The following ADCY9 variants were observed in gnomAD, a reference collection of about 807,000 sequenced individuals.
ADCY9 encodes the protein adenylate cyclase 9, also known as adenylate cyclase type 9.
In ADCY9, 50 loss-of-function variants were observed where a neutral mutation model predicts 101.5. That is an observed-to-expected ratio of 0.49 (90% CI 0.39 to 0.62). The LOEUF (loss-of-function observed/expected upper bound fraction) is 0.62. ADCY9 is among the 20% of genes least tolerant of loss of function. The probability of loss-of-function intolerance (pLI) is 0.00; values close to 1 mark genes in which losing one functional copy is unlikely to be tolerated. For missense variants in ADCY9, 1,662 were observed against 1,800.4 expected, an observed-to-expected ratio of 0.92 and a Z score of 1.39; for synonymous variants, 905 against 769.3, an observed-to-expected ratio of 1.18 and a Z score of -2.92.
intron 2 of ADCY9, among the ~76,000 whole-genome samples, chr16:4,107,827 G>T (rs538355681): frequency 1.3e-5 from 2 of 152,258 alleles, no homozygotes; most frequent in South Asian, 4.1e-4. Flanking sequence ...TGTTTGCAGA[G>T]GCTAACGCAT....
In ADCY9 at chr16:4,113,999, CCTT is replaced by C; in HGVS notation, c.1441_1443del (p.Lys481del). The C allele has an allele frequency of 2.5e-6, 4 of 1,613,946 alleles. No individual in the cohort carries two copies. The highest frequency in any genetic ancestry group is 1.1e-5 in the South Asian group (1 of 91,086). On this transcript the variant is annotated inframe_deletion, in exon 2 of 11. Transcript: ENST00000294016. The stretch of plus-strand genomic sequence containing the variant: ...ACCCCGACTCTCATGTTCACCATCT[CCTT>C]CTTCTCCTGGCAGAACTGCTCGATG...
chr16:4,115,076 T>C lies in ADCY9; in HGVS notation c.367A>G (p.Ile123Val), dbSNP rs763895687. Residue 123 changes from isoleucine (I) to valine (V), a missense_variant, in exon 2 of 11, where the codon ATC becomes GTC. By Grantham distance (29) the Ile-to-Val change is conservative. Around this residue, in one of 5 missense-constraint regions of ADCY9, gnomAD observed 422 missense variants for 392.0 expected, o/e 1.08. Coordinates refer to ENST00000294016, the MANE Select transcript of ADCY9 (RefSeq NM_001116.4). The surrounding 1 kb of genome is among the most constrained non-coding windows in gnomAD (Gnocchi z 6.2). ...CTCCACAGAAGGCAGGCGAAGCCGATGTAGAAGAGCGCATACCGGAACCGG... is the reference window on the plus strand; with the variant it reads ...CTCCACAGAAGGCAGGCGAAGCCGACGTAGAAGAGCGCATACCGGAACCGG... ...QRRFRYALFY[I>V]GFACLLWSIY... 4 of 1,614,030 alleles carry C rather than the reference T, an allele frequency of 2.5e-6. No homozygotes were observed. The highest frequency in any genetic ancestry group is 1.1e-5 in the South Asian group (1 of 91,090).
At chr16:4,003,403 C>G (rs888172017) in intron 3 of ADCY9, among the ~76,000 whole-genome samples, 1 of 152,082 alleles carries the variant, frequency 6.6e-6, no homozygotes, top group Admixed American at 6.5e-5. Context: ...TGAAGGCGTG[C>G]GTGCCGAGTG....
intron 7 of ADCY9, among the ~76,000 whole-genome samples, chr16:3,980,519 T>A (rs2141686842): frequency 6.6e-6 from 1 of 152,164 alleles, no homozygotes; most frequent in East Asian, 1.9e-4. Context: ...GGGCCGCTGT[T>A]GTGACTGAAC....
intron 2 of ADCY9, among the ~76,000 whole-genome samples, chr16:4,098,760 G>C (rs930179942): frequency 1.3e-5 from 2 of 152,120 alleles, no homozygotes; most frequent in African/African-American, 4.8e-5. Flanking sequence ...CGTTCCAGGA[G>C]GCACTGTTGA....
intron 2 of ADCY9, among the ~76,000 whole-genome samples, chr16:4,082,536 T>C (rs979280223): frequency 1.3e-5 from 2 of 152,292 alleles, no homozygotes; most frequent in Admixed American, 1.3e-4. Flanking sequence ...GTATCTCCCT[T>C]CTACCTGCTT....
chr16:4,094,595 G>A (rs537289886), intron 2 of ADCY9, among the ~76,000 whole-genome samples: 4 of 151,678 alleles, frequency 2.6e-5, no homozygotes, highest in South Asian at 2.1e-4. Flanking sequence ...ACGATCGCTC[G>A]AGGCCCCGCA....
intron 2 of ADCY9, among the ~76,000 whole-genome samples, chr16:4,064,099 C>T (rs745343098): frequency 6.6e-6 from 1 of 152,058 alleles, no homozygotes; most frequent in African/African-American, 2.4e-5. Flanking sequence ...TCATAAGATA[C>T]AAAATCAATA....
chr16:3,997,184 ACG>A (rs1486625220), intron 3 of ADCY9, among the ~76,000 whole-genome samples: 2 of 152,104 alleles, frequency 1.3e-5, no homozygotes, highest in African/African-American at 4.8e-5. Flanking sequence ...GTGCTTTAAG[ACG>A]AGGCCGCCTG....
chr16:4,084,981 G>T (rs567145582), intron 2 of ADCY9, among the ~76,000 whole-genome samples: 2 of 152,248 alleles, frequency 1.3e-5, no homozygotes, highest in East Asian at 1.9e-4. Flanking sequence ...GTCTTCAGAC[G>T]CCTGTCTCTC....
intron 2 of ADCY9, among the ~76,000 whole-genome samples, chr16:4,113,034 G>C (rs536198231): frequency 3.3e-5 from 5 of 152,010 alleles, no homozygotes; most frequent in Admixed American, 3.3e-4. Flanking sequence ...CCAGCTCTCC[G>C]GCAGGTACGT....
chr16:4,010,930 A>G (rs2056400032), intron 2 of ADCY9, among the ~76,000 whole-genome samples: 1 of 152,062 alleles, frequency 6.6e-6, no homozygotes, highest in South Asian at 2.1e-4. Context: ...TCTCCCTTCC[A>G]GAAGATGCAG....
chr16:3,985,965 G>A (rs1409920627), intron 6 of ADCY9, among the ~76,000 whole-genome samples: 2 of 68,462 alleles, frequency 2.9e-5, no homozygotes, highest in Admixed American at 1.9e-4. Context: ...ACACTCTTTC[G>A]CCCTCTCTCC....
chr16:4,067,829 T>C (rs2056809875), intron 2 of ADCY9, among the ~76,000 whole-genome samples: 1 of 152,254 alleles, frequency 6.6e-6, no homozygotes, highest in South Asian at 2.1e-4. Flanking sequence ...TGTGAATTTG[T>C]ATCTTAGTAG....
At chr16:4,102,190 G>A (rs893881028) in intron 2 of ADCY9, among the ~76,000 whole-genome samples, 3 of 152,106 alleles carry the variant, frequency 2.0e-5, no homozygotes, top group Non-Finnish European at 4.4e-5. Flanking sequence ...ATGCAAATAA[G>A]TGCTTTTCTT....
chr16:4,113,852 T>C lies in ADCY9; in HGVS notation c.1591A>G (p.Ile531Val), dbSNP rs2057129502. 3.1e-6 allele frequency: 5 copies of C among 1,614,166 alleles called. No homozygotes were observed. The highest frequency in any genetic ancestry group is 3.4e-6 in the Non-Finnish European group (4 of 1,180,034). Residue 531 changes from isoleucine to valine, a missense_variant, in exon 2 of 11, where the codon ATT becomes GTT. Coordinates refer to ENST00000294016, the MANE Select transcript of ADCY9 (RefSeq NM_001116.4). The part of the protein sequence containing the change: ...EQLGVAGKVH[I>V]SEATAKYLDD... ...AAGTATTTTGCGGTGGCCTCAGAAA[T>C]GTGAACTTTGCCGGCCACTCCCAGC...
At chr16:3,957,354 T>C (rs2055913388) in intron 5 of ADCY9, among the ~76,000 whole-genome samples, 2 of 152,216 alleles carry the variant, frequency 1.3e-5, no homozygotes, top group African/African-American at 4.8e-5. Context: ...CAGCAGACTA[T>C]CTTCCAGGTA....
intron 10 of ADCY9, among the ~76,000 whole-genome samples, chr16:3,969,486 G>A (rs567893659): frequency 1.0e-4 from 14 of 138,486 alleles, no homozygotes; most frequent in Non-Finnish European, 1.7e-4. Flanking sequence ...TGATCTGCCC[G>A]CCTCGACCTC....
In ADCY9 at chr16:4,027,259, C is replaced by T. The variant is rs537306593; in HGVS notation, c.1694-19701G>A. On this transcript the variant is annotated intron_variant, in intron 2 of 10. Coordinates refer to ENST00000294016, the MANE Select transcript of ADCY9 (RefSeq NM_001116.4). ...CAGTAAATCTGTGCTTCCCTTGCTT[C>T]GTTTTCTCGTTGCTTTCTTTGTGCA... Among the ~76,000 whole-genome samples the T allele has an allele frequency of 4.6e-5, 7 of 152,344 alleles. No homozygotes were observed. In the East Asian group the frequency reaches 5.8e-4, roughly 13 times the overall value.
Sources: gnomAD v4.1 joint callset for allele counts (sites outside exome capture counted in the v4.1 genomes callset) on GRCh38, gnomAD v4.1.1 for gene constraint, gnomAD v4.1.1 regional missense constraint, Gnocchi (gnomAD v3.1) non-coding constraint, MANE v1.5 for transcripts, NCBI Gene and HGNC (gene_info 2026-07-23, HGNC 2026-07-21) for gene names.